LY75: variants seen among roughly 807,000 people sequenced by gnomAD.
LY75 encodes C-type lectin domain family 13 member B.
LY75 carries 185 observed loss-of-function variants against 231.7 expected under a neutral mutation model. That is an observed-to-expected ratio of 0.80 (90% confidence interval 0.71 to 0.90). The LOEUF (loss-of-function observed/expected upper bound fraction) is 0.90. Among genes scored for constraint, LY75 ranks in the 40% least tolerant of loss-of-function variants. The pLI is 0.00. For synonymous variants in LY75, 668 were observed against 689.0 expected (o/e 0.97, Z 0.48); for missense variants, 1,947 against 2,050.2 (o/e 0.95, Z 0.97).
intron 4 of LY75, among the ~76,000 whole-genome samples, chr2:159,887,954 C>T (rs1048117002): frequency 1.3e-5 from 2 of 152,124 alleles, no homozygotes; most frequent in South Asian, 2.1e-4. Context: ...TTGAATTTAT[C>T]GGCACTTTTC....
At chr2:159,903,815 G>C (rs1442124108) in intron 1 of LY75, among the ~76,000 whole-genome samples, 1 of 152,174 alleles carries the variant, frequency 6.6e-6, no homozygotes, top group Non-Finnish European at 1.5e-5. Flanking sequence ...TTGCTGCCAA[G>C]GGGTGTGGTG....
At chr2:159,821,678 G>C (rs1189081999) in intron 28 of LY75, among the ~76,000 whole-genome samples, 2 of 151,558 alleles carry the variant, frequency 1.3e-5, no homozygotes, top group East Asian at 3.9e-4. Flanking sequence ...CATAACCCTG[G>C]GGTAAGCAAA....
chr2:159,878,170 G>C (rs1020326418), intron 11 of LY75, among the ~76,000 whole-genome samples, 154 bp downstream of exon 11: 1 of 152,188 alleles, frequency 6.6e-6, no homozygotes, highest in Non-Finnish European at 1.5e-5. Context: ...GGAAGACATA[G>C]CCACTGCTTC....
chr2:159,810,404 AT>A, intron 32 of LY75, 121 bp downstream of exon 32: 1 of 1,332,144 alleles, frequency 7.5e-7, no homozygotes. Context: ...TTATAGCGCT[AT>A]TAGAAATGGA....
At chr2:159,880,336 A>G (rs1685396396) in intron 8 of LY75, among the ~76,000 whole-genome samples, 1 of 152,244 alleles carries the variant, frequency 6.6e-6, no homozygotes, top group African/African-American at 2.4e-5. Context: ...GAAAAATGTT[A>G]GGCCTAGTTT....
intron 1 of LY75, among the ~76,000 whole-genome samples, chr2:159,904,008 G>A (rs1482116703): frequency 2.6e-5 from 4 of 152,222 alleles, no homozygotes; most frequent in Non-Finnish European, 5.9e-5. Context: ...GTTGCTCTAG[G>A]CGGTGGGTGA....
intron 1 of LY75, among the ~76,000 whole-genome samples, chr2:159,899,476 T>C (rs903714859): frequency 6.6e-6 from 1 of 152,236 alleles, no homozygotes; most frequent in African/African-American, 2.4e-5. Flanking sequence ...AGAAGCTCTT[T>C]AGTTTTCATC....
chr2:159,874,767 AATATATATATTTTGTAAATATATGTAAAT>A (rs1353600375), intron 12 of LY75, among the ~76,000 whole-genome samples: 10 of 43,812 alleles, frequency 2.3e-4, no homozygotes, highest in African/African-American at 6.2e-4. Context: ...AATATATGTA[AATATATATATTTTGTAAATATATGTAAAT>A]ATATATATTT....
At chr2:159,859,217 AC>A (rs1178246661) in intron 15 of LY75, among the ~76,000 whole-genome samples, 1 of 152,186 alleles carries the variant, frequency 6.6e-6, no homozygotes, top group Non-Finnish European at 1.5e-5. Flanking sequence ...TGAAGTTTTC[AC>A]CTTTTCCTGT....
chr2:159,849,865 T>C, intron 23 of LY75, 115 bp downstream of exon 23: 2 of 1,368,546 alleles, frequency 1.5e-6, no homozygotes. Flanking sequence ...GTGCCTATTC[T>C]GGACATTTCA....
rs1478515973 is a variant in LY75, at chr2:159,885,177, A to G, written c.1030T>C (p.Leu344=). 1 of 1,613,518 alleles carries G rather than the reference A, an allele frequency of 6.2e-7. No individual in the cohort carries two copies. The highest frequency in any genetic ancestry group is 1.1e-5 in the South Asian group (1 of 91,040). The part of the protein sequence containing the change: ...AQLPYVCRKP[L]NNTVELTDVW... Reference sequence around the variant, plus strand: ...CCTGTTAACTCCACTGTATTATTTAATGGTTTCCTGCAGACATAGGGCAGT... The same window carrying G: ...CCTGTTAACTCCACTGTATTATTTAGTGGTTTCCTGCAGACATAGGGCAGT... Residue 344 remains leucine (L), a synonymous_variant, in exon 6 of 35, where the codon TTA becomes CTA. Transcript: ENST00000263636.
chr2:159,853,559 T>C (rs1684465715), intron 19 of LY75, 71 bp downstream of exon 19: 11 of 1,600,948 alleles, frequency 6.9e-6, no homozygotes, highest in South Asian at 6.6e-5. Flanking sequence ...TAAATAGAAA[T>C]CCATTTAGTA....
rs1164920442 is a variant in LY75, at chr2:159,817,829, CCT to C, written c.4154-799_4154-798del. 1.3e-3 allele frequency among the ~76,000 whole-genome samples: 202 copies of C among 152,184 alleles called. 1 individual carries two copies. The highest frequency in any genetic ancestry group is 3.5e-4 in the Non-Finnish European group (24 of 68,006). ...TTGGGAGGCCAAGGCGGGGGGATCA[CCT>C]GAGGTCAGGAGTTCAAGACCATCCT... On this transcript the variant is annotated intron_variant, in intron 29 of 34. Coordinates refer to ENST00000263636, the MANE Select transcript of LY75 (RefSeq NM_002349.4).
chr2:159,805,359 G>A (rs954962893), intron 34 of LY75, 137 bp from the exon 35 acceptor site: 5 of 565,030 alleles, frequency 8.8e-6, no homozygotes, highest in East Asian at 2.9e-5. Context: ...GTTTCATAGC[G>A]CTAACATAGA....
At chr2:159,832,361 T>C (rs370909214) in intron 27 of LY75, among the ~76,000 whole-genome samples, 1 of 152,326 alleles carries the variant, frequency 6.6e-6, no homozygotes, top group South Asian at 2.1e-4. Context: ...TTGTGAACTA[T>C]GCATGCGAGG....
chr2:159,885,030 C>A, intron 6 of LY75, 123 bp downstream of exon 6: 1 of 1,328,582 alleles, frequency 7.5e-7, no homozygotes, highest in Non-Finnish European at 1.0e-6. Context: ...AAGTACTTTT[C>A]TGTACTGTCA....
Position 159,831,755 on chromosome 2 carries a change from A to G in LY75, c.3873T>C (p.Asp1291=), listed in dbSNP as rs1314628624. 2 of 1,611,962 alleles carry G rather than the reference A, an allele frequency of 1.2e-6. No individual in the cohort carries two copies. The highest frequency in any genetic ancestry group is 1.3e-5 in the African/African-American group (1 of 74,992). Residue 1291 remains aspartate (D), a synonymous_variant, in exon 28 of 35, where the codon GAT becomes GAC. Transcript: ENST00000263636. ...NPKSHILSIR[D]EKENNFVLEQ... ...CAAGAACAAAGTTATTCTCCTTTTC[A>G]TCTCGAATACTCAGAATATGTGATT...
chr2:159,855,780 C>T (rs1220955032), intron 16 of LY75, among the ~76,000 whole-genome samples: 1 of 152,190 alleles, frequency 6.6e-6, no homozygotes, highest in Admixed American at 6.5e-5. Flanking sequence ...ATTTGCGTTC[C>T]TCCCCCTTTT....
At chr2:159,825,652 C>T (rs986306597) in intron 28 of LY75, among the ~76,000 whole-genome samples, 4 of 151,954 alleles carry the variant, frequency 2.6e-5, no homozygotes, top group African/African-American at 9.7e-5. Flanking sequence ...AGAAACACAA[C>T]AAAAAAAGAA....
Sources: gnomAD v4.1 joint callset for allele counts (sites outside exome capture counted in the v4.1 genomes callset) on GRCh38, gnomAD v4.1.1 for gene constraint, MANE v1.5 for transcripts, NCBI Gene and HGNC (gene_info 2026-07-23, HGNC 2026-07-21) for gene names.